The following KANK1 variants were observed in gnomAD, a reference collection of about 807,000 sequenced individuals.
KANK1 encodes the protein KN motif and ankyrin repeat domain-containing protein 1.
In KANK1, 109 loss-of-function variants were observed where a neutral mutation model predicts 106.2. The observed-to-expected ratio is 1.03, with a 90% CI of 0.88 to 1.20. KANK1 has a LOEUF of 1.20. Ranked by LOEUF, KANK1 falls within the 50% of genes most tolerant of loss-of-function variation. The probability of loss-of-function intolerance (pLI) is 0.00; values close to 1 mark genes in which losing one functional copy is unlikely to be tolerated. For missense variants in KANK1, 2,399 were observed against 1,710.7 expected, an observed-to-expected ratio of 1.40 and a Z score of -7.10; for synonymous variants, 873 against 652.2, an observed-to-expected ratio of 1.34 and a Z score of -5.16.
At chr9:678,110 T>C (rs1816770582) in intron 2 of KANK1, among the ~76,000 whole-genome samples, 1 of 152,202 alleles carries the variant, frequency 6.6e-6, no homozygotes, top group Admixed American at 6.5e-5. Context: ...GGTAGAACAC[T>C]ATAACCCAAA....
At chr9:595,214 G>A (rs913413398) in intron 1 of KANK1, among the ~76,000 whole-genome samples, 1 of 151,634 alleles carries the variant, frequency 6.6e-6, no homozygotes, top group African/African-American at 2.4e-5. Flanking sequence ...AGGAGTTCAA[G>A]ACCAGTTGGG....
chr9:745,218 C>T lies in KANK1; in HGVS notation c.4042C>T (p.Arg1348Ter), dbSNP rs775624528. ...GAAGACGTCTCCTGGCCCCACCCAC[C>T]GAGGTTCATTTGATTGATTGTATGC... The part of the protein sequence containing the change: ...GRKTSPGPTH[R>*]GSFD The change falls in exon 12 of 12, where the codon CGA becomes TGA. Residue 1348 changes from arginine to a stop codon, truncating the protein, a stop_gained. Coordinates refer to ENST00000382297, the MANE Select transcript of KANK1 (RefSeq NM_015158.5). LOFTEE classifies it high-confidence loss of function. 17 of 1,613,994 alleles carry T rather than the reference C, an allele frequency of 1.1e-5. No individual in the cohort carries two copies. The highest frequency in any genetic ancestry group is 5.0e-5 in the Admixed American group (3 of 60,002).
upstream of KANK1, among the ~76,000 whole-genome samples, chr9:503,122 A>G (rs907124519): frequency 3.4e-5 from 5 of 148,862 alleles, no homozygotes; most frequent in Non-Finnish European, 5.9e-5. Context: ...TATAGGCCTG[A>G]GCCACTGCGC....
At chr9:722,615 T>G (rs184762000) in intron 3 of KANK1, among the ~76,000 whole-genome samples, 30 of 152,296 alleles carry the variant, frequency 2.0e-4, no homozygotes, top group Admixed American at 3.3e-4. Context: ...AGAGAATTGT[T>G]TATAGGCCAC....
Position 630,413 on chromosome 9 carries a change from T to C in KANK1, c.-83-46477T>C, listed in dbSNP as rs1033470015. Among the ~76,000 whole-genome samples the C allele has an allele frequency of 6.6e-5, 10 of 151,822 alleles. No individual in the cohort carries two copies. The South Asian group carries it at 8.3e-4, about 13-fold the overall frequency. On this transcript the variant is annotated intron_variant, in intron 1 of 11. Coordinates refer to ENST00000382297, the MANE Select transcript of KANK1 (RefSeq NM_015158.5). ...AAAGTTCAAAAAAATTAGCCAGGCA[T>C]GGTGGCGGGCGCCTGTAGTCCCAGC... is the stretch of plus-strand genomic sequence containing the variant.
chr9:668,800 G>T (rs1218470358), intron 1 of KANK1, among the ~76,000 whole-genome samples: 1 of 152,168 alleles, frequency 6.6e-6, no homozygotes, highest in Admixed American at 6.5e-5. Flanking sequence ...AGATCAGGCA[G>T]TGGGGATGGT....
intron 2 of KANK1, among the ~76,000 whole-genome samples, chr9:697,662 G>C (rs969023231): frequency 6.6e-6 from 1 of 151,918 alleles, no homozygotes; most frequent in African/African-American, 2.4e-5. Context: ...TATATTAGTT[G>C]GTATTCCTAC....
intron 2 of KANK1, among the ~76,000 whole-genome samples, chr9:699,792 G>A (rs1156754781): frequency 6.6e-6 from 1 of 152,166 alleles, no homozygotes; most frequent in East Asian, 1.9e-4. Context: ...ACTAGCCTGG[G>A]CAACATAGTG....
At position 717,577 on chromosome 9, in the gene KANK1, T is replaced by C. The variant is rs181572775; in HGVS notation, c.2698+4113T>C. On this transcript the variant is annotated intron_variant, in intron 3 of 11. Coordinates refer to ENST00000382297, the MANE Select transcript of KANK1 (RefSeq NM_015158.5). ...CCTGATAGTGACCAGAGGTGTTCTG[T>C]ATTTTTTAATTCCTGATAGTATGAG... is the stretch of plus-strand genomic sequence containing the variant. Among the ~76,000 whole-genome samples the C allele has an allele frequency of 8.5e-5, 13 of 152,348 alleles. No individual in the cohort carries two copies. In the South Asian group the frequency reaches 2.5e-3, roughly 29 times the overall value.
chr9:575,660 G>T (rs1195006244), intron 1 of KANK1, among the ~76,000 whole-genome samples: 2 of 152,060 alleles, frequency 1.3e-5, no homozygotes, highest in African/African-American at 4.8e-5. Context: ...AACAGAGCAA[G>T]ACCCTGTCTC....
intron 1 of KANK1, among the ~76,000 whole-genome samples, chr9:634,072 C>T (rs763839026): frequency 4.6e-5 from 7 of 152,148 alleles, no homozygotes; most frequent in Non-Finnish European, 8.8e-5. Context: ...TTTGTAATTG[C>T]CCAATTGCAC....
At chr9:700,932 G>A (rs959456799) in intron 2 of KANK1, among the ~76,000 whole-genome samples, 4 of 152,086 alleles carry the variant, frequency 2.6e-5, no homozygotes, top group Non-Finnish European at 4.4e-5. Context: ...AGTCTCCTCC[G>A]TTTTAAAGTC....
At chr9:480,318 A>G (rs1167063660) in intron 3 of KANK1, among the ~76,000 whole-genome samples, 1 of 152,240 alleles carries the variant, frequency 6.6e-6, no homozygotes, top group African/African-American at 2.4e-5. Flanking sequence ...TTATTCCAGG[A>G]TATCTGAAAA....
chr9:552,152 G>A (rs1284643480), intron 1 of KANK1, among the ~76,000 whole-genome samples: 6 of 152,280 alleles, frequency 3.9e-5, no homozygotes, highest in Middle Eastern at 3.4e-3. Context: ...AGGACTGATC[G>A]AATTGTCTGT....
chr9:485,469 G>A (rs2058275431), intron 3 of KANK1, among the ~76,000 whole-genome samples: 1 of 152,166 alleles, frequency 6.6e-6, no homozygotes, highest in South Asian at 2.1e-4. Context: ...GGAAACTTTA[G>A]CAGAGTTATT....
At chr9:474,974 G>C (rs1399550738) in intron 3 of KANK1, among the ~76,000 whole-genome samples, 2 of 152,146 alleles carry the variant, frequency 1.3e-5, no homozygotes, top group Non-Finnish European at 2.9e-5. Context: ...CCCCCACCCT[G>C]ACCAGGAATG....
At chr9:577,519 A>G (rs980922995) in intron 1 of KANK1, among the ~76,000 whole-genome samples, 3 of 152,302 alleles carry the variant, frequency 2.0e-5, no homozygotes, top group Middle Eastern at 3.4e-3. Flanking sequence ...ACTAGACAGA[A>G]AAGTTCTCCA....
intron 2 of KANK1, among the ~76,000 whole-genome samples, chr9:698,041 T>A (rs150737886): frequency 6.6e-6 from 1 of 152,144 alleles, no homozygotes; most frequent in East Asian, 1.9e-4. Context: ...TGGGTGGAAG[T>A]TTTGCGTTTT....
At chr9:471,180 G>A (rs2058013856) in intron 2 of KANK1, among the ~76,000 whole-genome samples, 1 of 152,192 alleles carries the variant, frequency 6.6e-6, no homozygotes, top group Non-Finnish European at 1.5e-5. Flanking sequence ...TCTTCCATCT[G>A]ATGGACTGCA....
Sources: gnomAD v4.1 joint callset for allele counts (sites outside exome capture counted in the v4.1 genomes callset) on GRCh38, gnomAD v4.1.1 for gene constraint, MANE v1.5 for transcripts, NCBI Gene and HGNC (gene_info 2026-07-23, HGNC 2026-07-21) for gene names.